Variants in MYCT1 observed in about 807,000 individuals in gnomAD.
The protein encoded by MYCT1 is MYC target 1.
A neutral mutation model predicts 15.0 loss-of-function variants in MYCT1; 12 were observed. That is an observed-to-expected ratio of 0.80 (90% confidence interval 0.51 to 1.29). MYCT1 has a LOEUF of 1.29. Ranked by LOEUF, MYCT1 falls within the 50% of genes most tolerant of loss-of-function variation. MYCT1 has a pLI of 0.00. For missense variants in MYCT1, 287 were observed against 279.1 expected (o/e 1.03, Z -0.20); for synonymous variants, 104 against 102.7 (o/e 1.01, Z -0.07).
the MYCT1 span, among the ~76,000 whole-genome samples, chr6:152,734,764 G>A: frequency 1.3e-5 from 2 of 151,954 alleles, no homozygotes; most frequent in South Asian, 2.1e-4. Context: ...TTATCTTCCT[G>A]AATGATCTCT....
chr6:152,699,875 A>G (rs985957787), intron 1 of MYCT1, among the ~76,000 whole-genome samples: 3 of 152,158 alleles, frequency 2.0e-5, no homozygotes, highest in Non-Finnish European at 2.9e-5. Context: ...ATCTGTGCTT[A>G]AGAGGGAATT....
intron 1 of MYCT1, among the ~76,000 whole-genome samples, chr6:152,718,473 T>G (rs2099724126): frequency 6.6e-6 from 1 of 152,178 alleles, no homozygotes; most frequent in African/African-American, 2.4e-5. Flanking sequence ...CAGGCTGGTC[T>G]GGGCTCAAGC....
chr6:152,707,390 A>G (rs1254343613), intron 1 of MYCT1, among the ~76,000 whole-genome samples: 17 of 151,998 alleles, frequency 1.1e-4, no homozygotes. Flanking sequence ...AGCTTCTTAT[A>G]TACTTTAGAT....
At chr6:152,702,744 T>G (rs1052567157) in intron 1 of MYCT1, among the ~76,000 whole-genome samples, 2 of 152,312 alleles carry the variant, frequency 1.3e-5, no homozygotes, top group Non-Finnish European at 1.5e-5. Context: ...CTCAAATTCG[T>G]TTTTTCAATT....
At chr6:152,737,714 A>AAATAACC in the MYCT1 span, among the ~76,000 whole-genome samples, 1 of 152,144 alleles carries the variant, frequency 6.6e-6, no homozygotes, top group Non-Finnish European at 1.5e-5. Flanking sequence ...CCTCTTATTT[A>AAATAACC]CTACTAGAAA....
At chr6:152,707,510 A>G (rs561240332) in intron 1 of MYCT1, among the ~76,000 whole-genome samples, 25 of 152,102 alleles carry the variant, frequency 1.6e-4, no homozygotes, top group African/African-American at 5.8e-4. Flanking sequence ...GTAGTTTGAC[A>G]CAATTCTACT....
rs2129070837 is a variant in MYCT1, at chr6:152,722,258, G to T, written c.*5G>T. ...AAGGCATTCCCAGATTCCTGAGTAG[G>T]GTGGCTTTTGGTTTTTGTTTCTTTC... On this transcript the variant is annotated 3_prime_UTR_variant, in exon 2 of 2. Coordinates refer to ENST00000367245, the MANE Select transcript of MYCT1 (RefSeq NM_025107.3). 1.3e-6 allele frequency: 2 copies of T among 1,581,368 alleles called. No individual in the cohort carries two copies. Among genetic ancestry groups the T allele is most frequent in the South Asian group, 1.2e-5 (1 of 85,886 alleles).
intron 1 of MYCT1, among the ~76,000 whole-genome samples, chr6:152,706,748 C>T (rs2099722342): frequency 6.6e-6 from 1 of 151,956 alleles, no homozygotes; most frequent in Admixed American, 6.6e-5. Flanking sequence ...GCATTTTTGA[C>T]TTATGGTATT....
intron 1 of MYCT1, among the ~76,000 whole-genome samples, chr6:152,719,430 A>C (rs2099724300): frequency 6.6e-6 from 1 of 152,168 alleles, no homozygotes; most frequent in African/African-American, 2.4e-5. Flanking sequence ...CTTGACCTTC[A>C]CCAGGTGTGG....
downstream of MYCT1, among the ~76,000 whole-genome samples, chr6:152,726,956 G>A (rs562053979): frequency 1.3e-5 from 2 of 152,202 alleles, no homozygotes; most frequent in African/African-American, 2.4e-5. Flanking sequence ...TATGGAGGCC[G>A]GGCGCGGTGG....
intron 1 of MYCT1, among the ~76,000 whole-genome samples, chr6:152,700,720 C>G (rs2099721159): frequency 6.6e-6 from 1 of 152,176 alleles, no homozygotes; most frequent in Admixed American, 6.6e-5. Context: ...ATGTCCTCCT[C>G]TAAGGCAATA....
At chr6:152,733,649 TA>T in the MYCT1 span, among the ~76,000 whole-genome samples, 2 of 152,214 alleles carry the variant, frequency 1.3e-5, no homozygotes, top group Non-Finnish European at 2.9e-5. Flanking sequence ...TGGAGCTTTT[TA>T]AAGAAGCTCT....
intron 1 of MYCT1, among the ~76,000 whole-genome samples, chr6:152,714,838 T>C (rs888206645): frequency 6.6e-6 from 1 of 151,736 alleles, no homozygotes; most frequent in African/African-American, 2.4e-5. Flanking sequence ...TATTTAAGTA[T>C]ATAACTTTCT....
At chr6:152,747,096 CT>C in the MYCT1 span, among the ~76,000 whole-genome samples, 1 of 151,714 alleles carries the variant, frequency 6.6e-6, no homozygotes, top group Non-Finnish European at 1.5e-5. Context: ...TTCAAATTTT[CT>C]AATTTAAAAG....
At chr6:152,700,240 A>G (rs901481226) in intron 1 of MYCT1, among the ~76,000 whole-genome samples, 3 of 152,122 alleles carry the variant, frequency 2.0e-5, no homozygotes, top group African/African-American at 7.2e-5. Flanking sequence ...CAAAAATATT[A>G]TTTTGAGAAT....
At chr6:152,742,782 A>T in the MYCT1 span, among the ~76,000 whole-genome samples, 1 of 152,100 alleles carries the variant, frequency 6.6e-6, no homozygotes, top group Non-Finnish European at 1.5e-5. Context: ...TGTAAGTATG[A>T]TTGTCAGAGG....
the MYCT1 span, among the ~76,000 whole-genome samples, chr6:152,741,218 A>AC: frequency 6.5e-3 from 984 of 152,228 alleles, 12 homozygotes; most frequent in African/African-American, 0.022. Flanking sequence ...TCTAAATAGA[A>AC]CCCCCTTTGC....
At chr6:152,740,891 T>A in the MYCT1 span, among the ~76,000 whole-genome samples, 1 of 152,258 alleles carries the variant, frequency 6.6e-6, no homozygotes, top group East Asian at 1.9e-4. Flanking sequence ...TTTTGAAAGG[T>A]CTTTATAGGT....
At chr6:152,731,858 C>T in the MYCT1 span, among the ~76,000 whole-genome samples, 3 of 151,940 alleles carry the variant, frequency 2.0e-5, no homozygotes, top group African/African-American at 7.3e-5. Context: ...AGCTATCCTC[C>T]CACCTCAGCC....
Sources: allele counts gnomAD v4.1 joint callset (sites outside exome capture counted in the v4.1 genomes callset), GRCh38; gene constraint gnomAD v4.1.1; transcripts MANE v1.5; gene names NCBI Gene and HGNC (gene_info 2026-07-23, HGNC 2026-07-21).